SH3PXD2B: variants seen among roughly 807,000 people sequenced by gnomAD.
SH3PXD2B encodes SH3 and PX domains 2B.
Under a neutral mutation model 73.1 loss-of-function variants are expected in SH3PXD2B, and 37 were observed. The observed-to-expected ratio is 0.51, with a 90% confidence interval of 0.39 to 0.67. SH3PXD2B has a LOEUF of 0.67. SH3PXD2B is among the 30% of genes least tolerant of loss of function. SH3PXD2B has a pLI of 0.00. For missense variants in SH3PXD2B, 1,053 were observed against 1,197.8 expected (o/e 0.88, Z 1.78); for synonymous variants, 457 against 480.5 (o/e 0.95, Z 0.64).
intron 6 of SH3PXD2B, among the ~76,000 whole-genome samples, chr5:172,371,414 G>A (rs1033273398): frequency 1.3e-5 from 2 of 152,130 alleles, no homozygotes; most frequent in Admixed American, 6.6e-5. Context: ...ACTGGGAAAC[G>A]CCAGAGGCAG....
At chr5:172,355,287 C>T (rs574605482) in intron 8 of SH3PXD2B, among the ~76,000 whole-genome samples, 6 of 152,330 alleles carry the variant, frequency 3.9e-5, no homozygotes, top group South Asian at 2.1e-4. Context: ...ACCTGCTCGG[C>T]GGGGGCCGAG....
chr5:172,349,458 T>C (rs893954549), intron 10 of SH3PXD2B, among the ~76,000 whole-genome samples: 2 of 152,100 alleles, frequency 1.3e-5, no homozygotes, highest in African/African-American at 4.8e-5. Flanking sequence ...CTCAGGTGTG[T>C]TGGGAACATT....
intron 1 of SH3PXD2B, among the ~76,000 whole-genome samples, chr5:172,430,083 T>C (rs995933946): frequency 1.3e-5 from 2 of 152,204 alleles, no homozygotes; most frequent in Non-Finnish European, 2.9e-5. Flanking sequence ...TCTGCAATAC[T>C]ACTAACTGCA....
intron 7 of SH3PXD2B, among the ~76,000 whole-genome samples, chr5:172,359,662 A>G (rs1474628714): frequency 6.6e-6 from 1 of 152,128 alleles, no homozygotes; most frequent in Non-Finnish European, 1.5e-5. Context: ...ACATTCCCCA[A>G]TGAGAAAGGC....
chr5:172,387,220 T>A (rs1389751463), intron 4 of SH3PXD2B, among the ~76,000 whole-genome samples: 3 of 152,220 alleles, frequency 2.0e-5, no homozygotes, highest in South Asian at 2.1e-4. Flanking sequence ...TGCATGTGTG[T>A]TCCATTTAAG....
intron 4 of SH3PXD2B, 123 bp from the exon 5 acceptor site, chr5:172,382,250 A>AGG: frequency 1.3e-6 from 1 of 745,076 alleles, no homozygotes; most frequent in Non-Finnish European, 2.2e-6. Context: ...TGGGAGGCGG[A>AGG]GGTTGCAGTG....
At chr5:172,422,545 C>T in intron 1 of SH3PXD2B, 49 bp from the exon 2 acceptor site, 1 of 1,553,978 alleles carries the variant, frequency 6.4e-7, no homozygotes. Flanking sequence ...AGGTGGTCTC[C>T]CAATCTCTGG....
intron 2 of SH3PXD2B, among the ~76,000 whole-genome samples, chr5:172,413,889 T>TA (rs1177154831): frequency 6.6e-6 from 1 of 151,960 alleles, no homozygotes; most frequent in Non-Finnish European, 1.5e-5. Flanking sequence ...GAGGATGGAG[T>TA]AAAGGCAGTA....
intron 4 of SH3PXD2B, among the ~76,000 whole-genome samples, chr5:172,390,818 TGTGTGTGTG>T (rs1561919120): frequency 5.6e-4 from 12 of 21,344 alleles, no homozygotes; most frequent in Non-Finnish European, 1.4e-3. Flanking sequence ...CCGTCTTTTG[TGTGTGTGTG>T]TGTGTGTGTG....
intron 3 of SH3PXD2B, among the ~76,000 whole-genome samples, chr5:172,400,979 C>T (rs1183823168): frequency 1.3e-5 from 2 of 152,158 alleles, no homozygotes; most frequent in African/African-American, 4.8e-5. Context: ...TGATCATAGG[C>T]CTAATTATAG....
chr5:172,406,398 C>T, intron 2 of SH3PXD2B, 46 bp from the exon 3 acceptor site: 1 of 1,578,500 alleles, frequency 6.3e-7, no homozygotes, highest in Non-Finnish European at 8.7e-7. Flanking sequence ...TCATAATGCA[C>T]TAAACATCAT....
intron 5 of SH3PXD2B, among the ~76,000 whole-genome samples, chr5:172,381,678 G>C (rs1757950011): frequency 6.6e-6 from 1 of 152,146 alleles, no homozygotes; most frequent in Non-Finnish European, 1.5e-5. Context: ...TCACATCCCT[G>C]GCAGTTCCCG....
chr5:172,330,522 TCAGA>T (rs566214304), downstream of SH3PXD2B, among the ~76,000 whole-genome samples: 582 of 152,316 alleles, frequency 3.8e-3, 3 homozygotes, highest in Non-Finnish European at 6.6e-3. Flanking sequence ...AAACCCCCTC[TCAGA>T]CATTCACATT....
At position 172,373,948 on chromosome 5, in the gene SH3PXD2B, C is replaced by T; in HGVS notation, c.402-133G>A. 3 of 965,950 alleles carry T rather than the reference C, an allele frequency of 3.1e-6. No homozygotes were observed. The East Asian group carries it at 7.5e-5, about 24-fold the overall frequency. The allele number at this position is 965,950 out of a possible 1,614,324, so 59.8% of individuals were successfully genotyped here. ...ATCAGTGAATGAATAAAATCCAGGCCAACTAGAGGAACCCTGACTTCTTCA... is the reference window on the plus strand; with the variant it reads ...ATCAGTGAATGAATAAAATCCAGGCTAACTAGAGGAACCCTGACTTCTTCA... On this transcript the variant is annotated intron_variant, in intron 5 of 12. Coordinates refer to ENST00000311601, the MANE Select transcript of SH3PXD2B (RefSeq NM_001017995.3).
intron 1 of SH3PXD2B, among the ~76,000 whole-genome samples, chr5:172,444,728 C>A (rs756598548): frequency 2.6e-5 from 4 of 152,174 alleles, no homozygotes; most frequent in Non-Finnish European, 4.4e-5. Context: ...TGTCTGTGCT[C>A]TGCTCCCTGG....
In SH3PXD2B at chr5:172,353,085, T is replaced by G. The variant is rs1757193334; in HGVS notation, c.785+803A>C. Among the ~76,000 whole-genome samples the G allele has an allele frequency of 6.6e-6, 1 of 152,164 alleles. No individual in the cohort carries two copies. Among genetic ancestry groups the G allele is most frequent in the Non-Finnish European group, 1.5e-5 (1 of 68,030 alleles). On this transcript the variant is annotated intron_variant, in intron 9 of 12. Coordinates refer to ENST00000311601, the MANE Select transcript of SH3PXD2B (RefSeq NM_001017995.3). This position sits in a 1 kb window ranked among gnomAD's most constrained non-coding sequence, Gnocchi z 4.3. The stretch of plus-strand genomic sequence containing the variant: ...ACCAGGTGGTGTGAGCTATTGTATC[T>G]TGCTCACTGTTGACTCCTCAGCTCC...
intron 2 of SH3PXD2B, among the ~76,000 whole-genome samples, chr5:172,406,678 G>T (rs957017902): frequency 6.6e-6 from 1 of 152,154 alleles, no homozygotes; most frequent in Non-Finnish European, 1.5e-5. Context: ...ATGGACAGCA[G>T]GTCATCCTGC....
chr5:172,383,741 T>C (rs1341242317), intron 4 of SH3PXD2B, among the ~76,000 whole-genome samples: 1 of 152,218 alleles, frequency 6.6e-6, no homozygotes. Context: ...TGTTCTCTCC[T>C]AGAGGGCCTC....
At chr5:172,397,861 A>G (rs986775908) in intron 3 of SH3PXD2B, among the ~76,000 whole-genome samples, 6 of 152,226 alleles carry the variant, frequency 3.9e-5, no homozygotes, top group African/African-American at 1.4e-4. Flanking sequence ...GTCTCGGTCC[A>G]AAGCATGAAA....
Sources: gnomAD v4.1 joint callset for allele counts (sites outside exome capture counted in the v4.1 genomes callset) on GRCh38, gnomAD v4.1.1 for gene constraint, Gnocchi (gnomAD v3.1) non-coding constraint, MANE v1.5 for transcripts, NCBI Gene and HGNC (gene_info 2026-07-23, HGNC 2026-07-21) for gene names.